Variants in EYA1 observed in about 807,000 individuals in gnomAD.
The protein encoded by EYA1 is EYA transcriptional coactivator and phosphatase 1.
In EYA1, 16 loss-of-function variants were observed where a neutral mutation model predicts 82.0. That is an observed-to-expected ratio of 0.20 (90% CI 0.13 to 0.30). EYA1 has a LOEUF of 0.30. EYA1 is among the 10% of genes least tolerant of loss of function. EYA1 has a pLI of 1.00. For synonymous variants in EYA1, 261 were observed against 264.4 expected (o/e 0.99, Z 0.12); for missense variants, 633 against 730.7 (o/e 0.87, Z 1.54).
At chr8:71,478,893 T>C (rs1341707802) in intron 2 of EYA1, among the ~76,000 whole-genome samples, 3 of 152,152 alleles carry the variant, frequency 2.0e-5, no homozygotes, top group African/African-American at 7.2e-5. Context: ...TCAACAAATA[T>C]TTACTGAGCA....
chr8:71,483,519 A>G (rs1362840098), intron 2 of EYA1, among the ~76,000 whole-genome samples: 1 of 151,694 alleles, frequency 6.6e-6, no homozygotes, highest in Non-Finnish European at 1.5e-5. Flanking sequence ...ACTAGCTCAC[A>G]TTCTTTCTCC....
At chr8:71,311,750 A>C (rs555752488) in intron 7 of EYA1, among the ~76,000 whole-genome samples, 4 of 152,342 alleles carry the variant, frequency 2.6e-5, no homozygotes, top group African/African-American at 9.6e-5. Context: ...TGGTGCACAA[A>C]AGAAAAATTA....
At chr8:71,358,864 G>A (rs1344446720) in intron 1 of EYA1, among the ~76,000 whole-genome samples, 2 of 152,110 alleles carry the variant, frequency 1.3e-5, no homozygotes, top group Non-Finnish European at 2.9e-5. Flanking sequence ...CCATTCAAAA[G>A]AGAAAAATAT....
chr8:71,325,768 A>T (rs1823080227), intron 4 of EYA1, among the ~76,000 whole-genome samples: 2 of 152,212 alleles, frequency 1.3e-5, no homozygotes, highest in Non-Finnish European at 2.9e-5. Flanking sequence ...CAAAGGCCAT[A>T]TAAGAAGTCA....
At chr8:71,205,144 A>G (rs1391355335) in intron 17 of EYA1, among the ~76,000 whole-genome samples, 1 of 152,198 alleles carries the variant, frequency 6.6e-6, no homozygotes, top group African/African-American at 2.4e-5. Flanking sequence ...TTTAGAATGT[A>G]CATATAAAAT....
chr8:71,467,964 T>G (rs1295748653), intron 2 of EYA1, among the ~76,000 whole-genome samples: 1 of 152,126 alleles, frequency 6.6e-6, no homozygotes, highest in African/African-American at 2.4e-5. Context: ...GCAGGAAAGG[T>G]GTCTGTAATC....
At chr8:71,496,490 T>C (rs1811423200) in intron 2 of EYA1, among the ~76,000 whole-genome samples, 1 of 152,260 alleles carries the variant, frequency 6.6e-6, no homozygotes, top group Non-Finnish European at 1.5e-5. Context: ...CGAAACGTTA[T>C]AGCTCTGTGT....
chr8:71,461,802 G>C (rs1012203457), intron 2 of EYA1, among the ~76,000 whole-genome samples: 2 of 152,088 alleles, frequency 1.3e-5, no homozygotes, highest in African/African-American at 4.8e-5. Flanking sequence ...GTCCCTCAGG[G>C]GGAAGCTCCA....
At chr8:71,217,071 A>AT (rs373129341) in intron 12 of EYA1, 48 bp from the exon 13 acceptor site, 4 of 1,455,562 alleles carry the variant, frequency 2.7e-6, no homozygotes, top group Non-Finnish European at 2.9e-6. Context: ...AGAGTACCTA[A>AT]TTTTTTTGTT....
At position 71,516,710 on chromosome 8, in the gene EYA1, T is replaced by G. The variant is rs112235234; in HGVS notation, c.33+19034A>C. Among the ~76,000 whole-genome samples, 289 of 152,232 alleles carry G rather than the reference T, an allele frequency of 1.9e-3. 1 individual carries two copies. The highest frequency in any genetic ancestry group is 6.6e-3 in the African/African-American group (273 of 41,558). ...CAAAGCCACCTTAGAGGTAGGTTAG[T>G]ATTAGAGGATGAATACTGGGCTTTC... On this transcript the variant is annotated intron_variant, in intron 2 of 18. Coordinates refer to the EYA1 transcript ENST00000643681.
At chr8:71,402,556 T>A (rs1830014153) in intron 2 of EYA1, among the ~76,000 whole-genome samples, 1 of 152,220 alleles carries the variant, frequency 6.6e-6, no homozygotes, top group South Asian at 2.1e-4. Context: ...TACAATAATG[T>A]AATTCAAAGC....
intron 2 of EYA1, chr8:71,404,851 G>C (rs916311535): frequency 4.7e-5 from 7 of 148,956 alleles, no homozygotes; most frequent in African/African-American, 1.8e-4. Context: ...CCGGGAGGCG[G>C]AGCTTGCAGT....
intron 1 of EYA1, among the ~76,000 whole-genome samples, chr8:71,546,978 C>T (rs548812222): frequency 2.6e-5 from 4 of 152,180 alleles, no homozygotes; most frequent in Non-Finnish European, 5.9e-5. Flanking sequence ...ATAAAGAAAA[C>T]GATGAAAAGT....
intron 2 of EYA1, among the ~76,000 whole-genome samples, chr8:71,463,587 CTCTCTCTCTCTCTCTCTCT>C (rs1293281343): frequency 2.7e-5 from 1 of 36,508 alleles, no homozygotes; most frequent in African/African-American, 3.1e-4. Flanking sequence ...CTCTCTCTCT[CTCTCTCTCTCTCTCTCTCT>C]CTCTCTCTCT....
intron 11 of EYA1, among the ~76,000 whole-genome samples, chr8:71,268,956 C>T (rs1211574892): frequency 6.6e-6 from 1 of 152,002 alleles, no homozygotes; most frequent in Non-Finnish European, 1.5e-5. Context: ...CTTAAAAAAA[C>T]CTAAGACTTA....
chr8:71,241,528 C>G (rs896155479), intron 12 of EYA1, among the ~76,000 whole-genome samples: 2 of 151,966 alleles, frequency 1.3e-5, no homozygotes, highest in African/African-American at 4.8e-5. Context: ...CAAATTATAC[C>G]AAGAGATAGC....
intron 2 of EYA1, chr8:71,535,693 G>A (rs907644049): frequency 7.5e-7 from 1 of 1,334,000 alleles, no homozygotes; most frequent in East Asian, 2.6e-5. Flanking sequence ...ATGCCATGAT[G>A]ATTTTAAAAG....
intron 2 of EYA1, among the ~76,000 whole-genome samples, chr8:71,453,084 T>C (rs1267529722): frequency 2.0e-5 from 3 of 152,178 alleles, no homozygotes; most frequent in South Asian, 2.1e-4. Flanking sequence ...AATGGCCTGA[T>C]GGAGCTGAAA....
Position 71,503,598 on chromosome 8 carries a change from T to G in EYA1, c.33+32146A>C, listed in dbSNP as rs142719982. On this transcript the variant is annotated intron_variant, in intron 2 of 18. Coordinates refer to the EYA1 transcript ENST00000643681. ...AACATACTCTTACACACAGTAATCT[T>G]TTATGACATCGCCAAAATAAATGTA... Among the ~76,000 whole-genome samples, 14 of 152,306 alleles carry G rather than the reference T, an allele frequency of 9.2e-5. No individual in the cohort carries two copies. In the East Asian group the frequency reaches 2.7e-3, roughly 29 times the overall value.
Sources: gnomAD v4.1 joint callset for allele counts (sites outside exome capture counted in the v4.1 genomes callset) on GRCh38, gnomAD v4.1.1 for gene constraint, MANE v1.5 for transcripts, NCBI Gene and HGNC (gene_info 2026-07-23, HGNC 2026-07-21) for gene names.